Variants in NDUFS6 observed in about 807,000 individuals in gnomAD.
NDUFS6 encodes NADH:ubiquinone oxidoreductase subunit S6.
In NDUFS6, 14 loss-of-function variants were observed where a neutral mutation model predicts 13.2. That is an observed-to-expected ratio of 1.06 (90% confidence interval 0.70 to 1.66). The LOEUF is 1.66. NDUFS6 is among the 40% of genes most tolerant of loss of function. The pLI is 0.00. For synonymous variants in NDUFS6, 95 were observed against 72.3 expected (o/e 1.31, Z -1.60); for missense variants, 206 against 170.8 (o/e 1.21, Z -1.15).
chr5:1,809,845 C>G (rs960752414), intron 2 of NDUFS6, among the ~76,000 whole-genome samples: 56 of 152,382 alleles, frequency 3.7e-4, no homozygotes, highest in African/African-American at 1.3e-3. Flanking sequence ...AGCCGCCGGG[C>G]CGGCAGCAGA....
At chr5:1,811,851 G>A (rs1369123936) in intron 2 of NDUFS6, among the ~76,000 whole-genome samples, 3 of 152,184 alleles carry the variant, frequency 2.0e-5, no homozygotes, top group Admixed American at 2.0e-4. Context: ...AAGAGACTTT[G>A]ATCATTGTCT....
intron 2 of NDUFS6, among the ~76,000 whole-genome samples, chr5:1,813,811 A>G (rs1477018177): frequency 6.6e-6 from 1 of 152,234 alleles, no homozygotes; most frequent in African/African-American, 2.4e-5. Flanking sequence ...TCTGTGGCCC[A>G]AGGGGAAAGC....
intron 2 of NDUFS6, among the ~76,000 whole-genome samples, chr5:1,804,999 A>G (rs1734101864): frequency 6.6e-6 from 1 of 152,128 alleles, no homozygotes; most frequent in Non-Finnish European, 1.5e-5. Context: ...GCAGCCCCTG[A>G]TCGTACTGTC....
intron 2 of NDUFS6, among the ~76,000 whole-genome samples, chr5:1,803,172 T>C (rs142755245): frequency 0.01 from 1,551 of 152,336 alleles, 12 homozygotes; most frequent in Non-Finnish European, 0.016. Flanking sequence ...ATTCCCAGTG[T>C]GTAGTTTTTG....
At chr5:1,809,775 G>A (rs1033949797) in intron 2 of NDUFS6, among the ~76,000 whole-genome samples, 3 of 152,252 alleles carry the variant, frequency 2.0e-5, no homozygotes, top group African/African-American at 7.2e-5. Context: ...ATCGCCTGCA[G>A]CAGGGGTGAG....
In NDUFS6 at chr5:1,814,843, G is replaced by A. The variant is rs771843583; in HGVS notation, c.309+382G>A. 3.7e-5 allele frequency: 23 copies of A among 619,110 alleles called. No individual in the cohort carries two copies. The highest frequency in any genetic ancestry group is 1.1e-4 in the East Asian group (4 of 36,556). The allele number at this position is 619,110 out of a possible 1,614,324, so 38.4% of individuals were successfully genotyped here. A position where few individuals can be genotyped will look rare whatever the true frequency, so the allele number is the denominator to read the frequency against. ...CTGGAGGCTGCAGCCCAAGACCACC[G>A]TGCCGCTCTGTGGGTTCCTCCTGGG... On this transcript the variant is annotated intron_variant, in intron 3 of 3. Transcript: ENST00000274137. The surrounding 1 kb of genome is among the most constrained non-coding windows in gnomAD (Gnocchi z 4.9).
At chr5:1,806,646 T>G (rs1172175828) in intron 2 of NDUFS6, among the ~76,000 whole-genome samples, 1 of 152,162 alleles carries the variant, frequency 6.6e-6, no homozygotes, top group African/African-American at 2.4e-5. Context: ...ACCAAGACCC[T>G]CCAAACAGAA....
rs1197239381 is a variant in NDUFS6, at chr5:1,814,922, G to A, written c.309+461G>A. On this transcript the variant is annotated intron_variant, in intron 3 of 3. Transcript: ENST00000274137. The surrounding 1 kb of genome is among the most constrained non-coding windows in gnomAD (Gnocchi z 4.9). ...CTCCTCCCTGTGTCTTCACAGGGCC[G>A]TCCCTCTGTGGGAGACTCCTCATCC... 1.3e-5 allele frequency among the ~76,000 whole-genome samples: 2 copies of A among 152,132 alleles called. No homozygotes were observed. Among genetic ancestry groups the A allele is most frequent in the Non-Finnish European group, 2.9e-5 (2 of 68,020 alleles).
chr5:1,807,151 T>TGCGTGAGGTACTCAGAGGTACG (rs1561104742), intron 2 of NDUFS6, among the ~76,000 whole-genome samples: 1 of 149,630 alleles, frequency 6.7e-6, no homozygotes, highest in Admixed American at 6.6e-5. Flanking sequence ...TCAGAGGTAC[T>TGCGTGAGGTACTCAGAGGTACG]GCGTGAGGTA....
chr5:1,815,686 C>CGGTCAGCCT (rs1734297166), intron 3 of NDUFS6, among the ~76,000 whole-genome samples, 165 bp from the exon 4 acceptor site: 1 of 152,164 alleles, frequency 6.6e-6, no homozygotes, highest in Non-Finnish European at 1.5e-5. Context: ...CCAGGGGCTT[C>CGGTCAGCCT]GGTCAGCCTG....
chr5:1,802,226 A>C, intron 1 of NDUFS6, 95 bp from the exon 2 acceptor site: 1 of 1,249,356 alleles, frequency 8.0e-7, no homozygotes, highest in South Asian at 1.2e-5. Context: ...CTAAAAGTTA[A>C]GAAAAACACT....
intron 2 of NDUFS6, among the ~76,000 whole-genome samples, chr5:1,810,671 A>G (rs142966817): frequency 2.3e-4 from 35 of 152,268 alleles, no homozygotes; most frequent in Non-Finnish European, 8.8e-5. Flanking sequence ...GTCAGTTTCA[A>G]CAATTACCAA....
intron 2 of NDUFS6, among the ~76,000 whole-genome samples, chr5:1,804,266 G>A (rs1030762901): frequency 6.6e-6 from 1 of 152,210 alleles, no homozygotes; most frequent in Admixed American, 6.5e-5. Flanking sequence ...TTGTAGTGAC[G>A]AAGCAAGTAT....
intron 2 of NDUFS6, among the ~76,000 whole-genome samples, chr5:1,813,692 A>G (rs1487577522): frequency 6.6e-6 from 1 of 152,196 alleles, no homozygotes; most frequent in Non-Finnish European, 1.5e-5. Flanking sequence ...GCACATGCCT[A>G]TGAGTCATAA....
chr5:1,809,444 G>A (rs1247634821), intron 2 of NDUFS6, among the ~76,000 whole-genome samples: 1 of 152,190 alleles, frequency 6.6e-6, no homozygotes, highest in Non-Finnish European at 1.5e-5. Context: ...ACCCGGAGCC[G>A]GGCTCTGTGT....
intron 2 of NDUFS6, among the ~76,000 whole-genome samples, chr5:1,802,945 A>G (rs550161246): frequency 6.6e-6 from 1 of 151,446 alleles, no homozygotes; most frequent in South Asian, 2.1e-4. Flanking sequence ...CTCCTTCTCT[A>G]TCACTCATGT....
chr5:1,805,088 C>T (rs1475349811), intron 2 of NDUFS6, among the ~76,000 whole-genome samples: 5 of 152,186 alleles, frequency 3.3e-5, no homozygotes, highest in Non-Finnish European at 5.9e-5. Context: ...CCCAACACTT[C>T]GGGAGGCCAA....
At chr5:1,801,666 T>C (rs1734044975) in intron 1 of NDUFS6, 117 bp downstream of exon 1, 8 of 1,443,420 alleles carry the variant, frequency 5.5e-6, no homozygotes, top group Non-Finnish European at 5.5e-6. Flanking sequence ...CAGGTCGTGG[T>C]AAGGTTGTGC....
At position 1,814,377 on chromosome 5, in the gene NDUFS6, G is replaced by A; in HGVS notation, c.225G>A (p.Gln75=). Residue 75 remains glutamine, a synonymous_variant, in exon 3 of 4, where the codon CAG becomes CAA. Transcript: ENST00000274137. This position sits in a 1 kb window ranked among gnomAD's most constrained non-coding sequence, Gnocchi z 4.9. ...ENFAIDLIAE[Q]PVSEVETRVI... ...TTGCCATTGATTTGATAGCAGAGCA[G>A]CCCGTGAGCGAGGTGGAGACTCGGG... 6.2e-7 allele frequency: 1 copy of A among 1,614,196 alleles called. No individual in the cohort carries two copies. Among genetic ancestry groups the A allele is most frequent in the Non-Finnish European group, 8.5e-7 (1 of 1,180,036 alleles).
Sources: gnomAD v4.1 joint callset for allele counts (sites outside exome capture counted in the v4.1 genomes callset) on GRCh38, gnomAD v4.1.1 for gene constraint, Gnocchi (gnomAD v3.1) non-coding constraint, MANE v1.5 for transcripts, NCBI Gene and HGNC (gene_info 2026-07-23, HGNC 2026-07-21) for gene names.